The following ROBO2 variants were observed in gnomAD, a reference collection of about 807,000 sequenced individuals.
ROBO2 encodes roundabout guidance receptor 2, also known as roundabout homolog 2.
ROBO2 carries 53 observed loss-of-function variants against 160.8 expected under a neutral mutation model. The observed-to-expected ratio is 0.33, with a 90% CI of 0.26 to 0.41. The LOEUF is 0.41. Ranked by LOEUF, ROBO2 falls within the 10% of genes least tolerant of loss-of-function variation. The pLI, the probability that ROBO2 is intolerant of heterozygous loss-of-function variation, is 1.00. For synonymous variants in ROBO2, 664 were observed against 611.7 expected, an observed-to-expected ratio of 1.09 and a Z score of -1.26; for missense variants, 1,577 against 1,722.4, an observed-to-expected ratio of 0.92 and a Z score of 1.49.
chr3:77,213,176 G>A (rs1470392976), intron 2 of ROBO2, among the ~76,000 whole-genome samples: 1 of 152,064 alleles, frequency 6.6e-6, no homozygotes, highest in Admixed American at 6.5e-5. Flanking sequence ...TGTACCTCTG[G>A]TAGAATTTGG....
chr3:77,575,449 C>G (rs568467400), intron 14 of ROBO2, among the ~76,000 whole-genome samples: 1 of 152,198 alleles, frequency 6.6e-6, no homozygotes, highest in African/African-American at 2.4e-5. Context: ...AAAGCCCTTT[C>G]TTTAAACATA....
At chr3:76,948,874 TTATATATATATATA>T (rs71104642) in intron 2 of ROBO2, among the ~76,000 whole-genome samples, 4 of 48,616 alleles carry the variant, frequency 8.2e-5, no homozygotes, top group Non-Finnish European at 1.3e-4. Flanking sequence ...CCGGCTAATT[TTATATATATATATA>T]TATATATATA....
At chr3:77,008,306 T>A (rs1040701677) in intron 2 of ROBO2, among the ~76,000 whole-genome samples, 3 of 152,158 alleles carry the variant, frequency 2.0e-5, no homozygotes, top group Admixed American at 6.5e-5. Flanking sequence ...AGAAAACAGT[T>A]ATCTTCTCAT....
chr3:77,102,077 A>AC lies in ROBO2; in HGVS notation c.388+3738dup, dbSNP rs2072023617. Among the ~76,000 whole-genome samples the AC allele has an allele frequency of 1.5e-4, 23 of 152,292 alleles. 1 individual carries two copies. In the South Asian group the frequency reaches 4.6e-3, roughly 30 times the overall value. ...CACAAGAGTACTAAACATGGTTGAC[A>AC]CGATGCAAATCCCAAATGATGATCA... On this transcript the variant is annotated intron_variant, in intron 2 of 25. Coordinates refer to ENST00000461745, the Ensembl canonical transcript of ROBO2.
At chr3:77,485,729 C>A (rs903618823) in intron 4 of ROBO2, among the ~76,000 whole-genome samples, 1 of 152,048 alleles carries the variant, frequency 6.6e-6, no homozygotes, top group Non-Finnish European at 1.5e-5. Context: ...ATTATGACTT[C>A]TCTTGTAGCA....
intron 2 of ROBO2, among the ~76,000 whole-genome samples, chr3:77,347,727 A>G (rs567874447): frequency 6.6e-6 from 1 of 152,214 alleles, no homozygotes; most frequent in East Asian, 1.9e-4. Flanking sequence ...TCACACTGTC[A>G]TCATTGATAT....
At chr3:76,409,017 T>C (rs1002001440) in intron 2 of ROBO2, among the ~76,000 whole-genome samples, 2 of 152,120 alleles carry the variant, frequency 1.3e-5, no homozygotes, top group Non-Finnish European at 2.9e-5. Flanking sequence ...GGGGTATTAA[T>C]ATGTGAATGA....
At chr3:77,535,095 G>A (rs1255371197) in intron 6 of ROBO2, among the ~76,000 whole-genome samples, 7 of 152,096 alleles carry the variant, frequency 4.6e-5, no homozygotes, top group African/African-American at 1.4e-4. Context: ...CTTACTAAGC[G>A]TGTAATTAAT....
chr3:76,216,611 T>G (rs1703550097), intron 2 of ROBO2, among the ~76,000 whole-genome samples: 1 of 152,084 alleles, frequency 6.6e-6, no homozygotes, highest in Non-Finnish European at 1.5e-5. Flanking sequence ...AAGAGCTAAC[T>G]CTCCTAAATA....
intron 2 of ROBO2, among the ~76,000 whole-genome samples, chr3:76,212,105 T>C (rs1020526318): frequency 2.6e-5 from 4 of 151,996 alleles, no homozygotes; most frequent in African/African-American, 9.7e-5. Context: ...TATTCAATTA[T>C]GTATGTTCTT....
Position 77,040,406 on chromosome 3 carries a change from TC to T in ROBO2, c.-379del. On this transcript the variant is annotated 5_prime_UTR_variant, in exon 1 of 26. It removes the in-frame stop codon of an upstream open reading frame in the 5' UTR. Coordinates refer to ENST00000461745, the Ensembl canonical transcript of ROBO2. ...TGTGGAACACTTTCTAGGAATTAGG[TC>T]TTTTCCTCCCCCTTCATCATCTTGA... The T allele has an allele frequency of 9.7e-7, 1 of 1,035,544 alleles. No homozygotes were observed. The highest frequency in any genetic ancestry group is 1.2e-6 in the Non-Finnish European group (1 of 862,988). The allele number at this position is 1,035,544 out of a possible 1,614,324, so 64.1% of individuals were successfully genotyped here. A position where few individuals can be genotyped will look rare whatever the true frequency, so the allele number is the denominator to read the frequency against.
intron 2 of ROBO2, among the ~76,000 whole-genome samples, chr3:77,099,721 A>AT (rs528215525): frequency 3.3e-5 from 5 of 151,938 alleles, no homozygotes; most frequent in Non-Finnish European, 7.4e-5. Flanking sequence ...AATTTTATTG[A>AT]TTTTTTTCCC....
At chr3:76,941,423 A>C (rs1012155696) in intron 2 of ROBO2, among the ~76,000 whole-genome samples, 1 of 152,166 alleles carries the variant, frequency 6.6e-6, no homozygotes, top group Non-Finnish European at 1.5e-5. Flanking sequence ...TTCTTCACCT[A>C]GACTCACAAG....
intron 1 of ROBO2, among the ~76,000 whole-genome samples, chr3:77,082,068 G>T (rs1401233776): frequency 1.3e-5 from 2 of 152,238 alleles, no homozygotes; most frequent in East Asian, 3.9e-4. Flanking sequence ...TATACTAATT[G>T]ATATAACTTG....
intron 2 of ROBO2, among the ~76,000 whole-genome samples, chr3:76,079,254 A>G (rs2068739274): frequency 1.3e-5 from 2 of 152,174 alleles, no homozygotes; most frequent in South Asian, 4.1e-4. Context: ...AACCATAGGT[A>G]ACAATCATTT....
chr3:76,068,350 T>C (rs2068331681), intron 2 of ROBO2, among the ~76,000 whole-genome samples: 1 of 152,122 alleles, frequency 6.6e-6, no homozygotes, highest in African/African-American at 2.4e-5. Context: ...TTACTTTGAA[T>C]GAGATGGAAA....
At chr3:76,252,756 T>TACAC (rs1491520176) in intron 2 of ROBO2, among the ~76,000 whole-genome samples, 4 of 137,908 alleles carry the variant, frequency 2.9e-5, no homozygotes, top group African/African-American at 9.0e-5. Context: ...CATGTATATG[T>TACAC]ATACACACAC....
chr3:76,847,088 C>A (rs2068844541), intron 2 of ROBO2, among the ~76,000 whole-genome samples: 1 of 152,136 alleles, frequency 6.6e-6, no homozygotes, highest in Non-Finnish European at 1.5e-5. Flanking sequence ...GGTTAATTTG[C>A]TACTGTCCAA....
At chr3:76,691,409 G>A (rs1407331424) in intron 2 of ROBO2, among the ~76,000 whole-genome samples, 2 of 152,026 alleles carry the variant, frequency 1.3e-5, no homozygotes, top group African/African-American at 2.4e-5. Flanking sequence ...ATTAGGAAAC[G>A]GGGGTTGTGA....
Sources: allele counts gnomAD v4.1 joint callset (sites outside exome capture counted in the v4.1 genomes callset), GRCh38; gene constraint gnomAD v4.1.1; transcripts MANE v1.5; gene names NCBI Gene and HGNC (gene_info 2026-07-23, HGNC 2026-07-21).